CYP2C19: variants seen among roughly 807,000 people sequenced by gnomAD.
CYP2C19 encodes the protein cytochrome P450 family 2 subfamily C member 19.
CYP2C19 carries 59 observed loss-of-function variants against 40.9 expected under a neutral mutation model. The ratio of observed to expected loss-of-function variants is 1.44; its 90% CI spans 1.17 to 1.79. CYP2C19 has a LOEUF of 1.79. Ranked by LOEUF, CYP2C19 falls within the 40% of genes most tolerant of loss-of-function variation. The probability of loss-of-function intolerance (pLI) is 0.00; values close to 1 mark genes in which losing one functional copy is unlikely to be tolerated. For missense variants in CYP2C19, 754 were observed against 596.9 expected, an observed-to-expected ratio of 1.26 and a Z score of -2.74; for synonymous variants, 253 against 208.7, an observed-to-expected ratio of 1.21 and a Z score of -1.83.
At chr10:94,802,254 C>T (rs977979552) in intron 5 of CYP2C19, among the ~76,000 whole-genome samples, 78 of 152,230 alleles carry the variant, frequency 5.1e-4, no homozygotes, top group African/African-American at 1.9e-3. Context: ...TTTTACAATC[C>T]TTTTGTAAAA....
chr10:94,846,499 T>C (rs1305750815), intron 7 of CYP2C19, among the ~76,000 whole-genome samples: 1 of 152,090 alleles, frequency 6.6e-6, no homozygotes. Flanking sequence ...ATGATGAAAA[T>C]CTATGGCATG....
Position 94,775,539 on chromosome 10 carries a change from G to C in CYP2C19, c.481G>C (p.Ala161Pro), listed in dbSNP as rs181297724. The C allele has an allele frequency of 2.5e-3, 4,071 of 1,613,848 alleles. 143 individuals carry two copies. Among genetic ancestry groups the C allele is most frequent in the East Asian group, 6.3e-3 (282 of 44,886 alleles). The change falls in exon 3 of 9, where the codon GCT (alanine) becomes CCT (proline). Residue 161 changes from alanine to proline, a missense_variant and splice_region_variant. Coordinates refer to ENST00000371321, the MANE Select transcript of CYP2C19 (RefSeq NM_000769.4). Reference sequence around the variant, plus strand: ...TGTGGAGGAGTTGAGAAAAACCAAGGGTGGGTGAACATACTCTCTATCACT... The same window carrying C: ...TGTGGAGGAGTTGAGAAAAACCAAGCGTGGGTGAACATACTCTCTATCACT... ...CLVEELRKTKASPCDPTFILG... is the reference protein window; with the variant it reads ...CLVEELRKTKPSPCDPTFILG...
intron 1 of CYP2C19, among the ~76,000 whole-genome samples, chr10:94,770,287 C>A (rs1848309718): frequency 6.6e-6 from 1 of 152,182 alleles, no homozygotes; most frequent in Admixed American, 6.5e-5. Flanking sequence ...CAGTGATTGC[C>A]TTGGCATAGC....
At chr10:94,841,625 T>C (rs1849496612) in intron 6 of CYP2C19, among the ~76,000 whole-genome samples, 2 of 152,228 alleles carry the variant, frequency 1.3e-5, no homozygotes, top group Non-Finnish European at 2.9e-5. Flanking sequence ...ATGTAAGCTC[T>C]TAGAGCTATA....
At chr10:94,840,705 C>T (rs1384163758) in intron 6 of CYP2C19, among the ~76,000 whole-genome samples, 1 of 151,974 alleles carries the variant, frequency 6.6e-6, no homozygotes, top group African/African-American at 2.4e-5. Flanking sequence ...CAACCGGCTA[C>T]TGCCAGGAGT....
rs192070499 is a variant in CYP2C19 at position 94,795,567 on chromosome 10, A to C, written c.819+13570A>C. On this transcript the variant is annotated intron_variant, in intron 5 of 8. Transcript: ENST00000371321. ...TGGTATTTCCAGTTCTATATCCCTG[A>C]GGAATTGCCACAGTGACTTCCACAA... Among the ~76,000 whole-genome samples, 708 of 152,244 alleles carry C rather than the reference A, an allele frequency of 4.7e-3. 2 individuals carry two copies. The highest frequency in any genetic ancestry group is 0.016 in the African/African-American group (685 of 41,548).
chr10:94,814,132 C>T (rs1848966742), intron 5 of CYP2C19, among the ~76,000 whole-genome samples: 1 of 151,176 alleles, frequency 6.6e-6, no homozygotes, highest in Admixed American at 6.7e-5. Flanking sequence ...TAAACATTCC[C>T]AGTGAGATGA....
chr10:94,834,741 T>A (rs1010958785), intron 6 of CYP2C19, among the ~76,000 whole-genome samples: 1 of 152,210 alleles, frequency 6.6e-6, no homozygotes, highest in African/African-American at 2.4e-5. Flanking sequence ...CTGTTTTGCC[T>A]AATTAGCATT....
intron 1 of CYP2C19, among the ~76,000 whole-genome samples, chr10:94,768,178 A>G (rs531036007): frequency 6.6e-6 from 1 of 152,270 alleles, no homozygotes; most frequent in East Asian, 1.9e-4. Context: ...CTATTTGTAT[A>G]CACATTTATT....
intron 1 of CYP2C19, among the ~76,000 whole-genome samples, chr10:94,772,464 A>T (rs1564660066): frequency 6.6e-6 from 1 of 152,140 alleles, no homozygotes; most frequent in Non-Finnish European, 1.5e-5. Flanking sequence ...GAGAGGCAAG[A>T]GGAAGTTTGT....
At chr10:94,783,673 T>C (rs1848506332) in intron 5 of CYP2C19, among the ~76,000 whole-genome samples, 2 of 152,134 alleles carry the variant, frequency 1.3e-5, no homozygotes, top group East Asian at 1.9e-4. Flanking sequence ...ATGCCTATAG[T>C]ACACCATCTT....
chr10:94,771,272 G>A (rs1848326698), intron 1 of CYP2C19, among the ~76,000 whole-genome samples: 1 of 152,076 alleles, frequency 6.6e-6, no homozygotes, highest in Admixed American at 6.5e-5. Context: ...TTCTGGGAAG[G>A]GGAGATTAGA....
chr10:94,810,959 T>C (rs1176446516), intron 5 of CYP2C19, among the ~76,000 whole-genome samples: 1 of 152,236 alleles, frequency 6.6e-6, no homozygotes, highest in Non-Finnish European at 1.5e-5. Context: ...TTTCTAGTTC[T>C]TTTAAATGTG....
rs762568352 is a variant in CYP2C19 at position 94,853,163 on chromosome 10, A to G, written c.*249A>G. 29 of 485,238 alleles carry G rather than the reference A, an allele frequency of 6.0e-5. No individual in the cohort carries two copies. The highest frequency in any genetic ancestry group is 9.0e-5 in the Non-Finnish European group (25 of 276,860). 30.1% of individuals were successfully genotyped at this position (485,238 alleles called of 1,614,324 possible). On this transcript the variant is annotated 3_prime_UTR_variant, in exon 9 of 9. Transcript: ENST00000371321. Reference sequence around the variant, plus strand: ...ATACTTGTCTAATGTTGAGTTATTAACATATTATTATTAAATAGAGAAAGA... The same window carrying G: ...ATACTTGTCTAATGTTGAGTTATTAGCATATTATTATTAAATAGAGAAAGA...
At position 94,820,597 on chromosome 10, in the gene CYP2C19, A is replaced by T. The variant is rs1849101712; in HGVS notation, c.921A>T (p.Arg307Ser). The change falls in exon 6 of 9, where the codon AGA becomes AGT. Residue 307 changes from arginine (R) to serine (S), a missense_variant. Arg to Ser is a moderately radical substitution (Grantham distance 110, BLOSUM62 -1). Transcript: ENST00000371321. ...AGTETTSTTL[R>S]YALLLLLKHP... ...CAGAGACAACAAGCACAACCCTGAG[A>T]TATGCTCTCCTTCTCCTGCTGAAGC... 6.2e-7 allele frequency: 1 copy of T among 1,614,204 alleles called. No homozygotes were observed. The highest frequency in any genetic ancestry group is 1.3e-5 in the African/African-American group (1 of 75,058).
intron 6 of CYP2C19, among the ~76,000 whole-genome samples, chr10:94,840,228 C>CT (rs113238504): frequency 0.015 from 2,198 of 142,790 alleles, 42 homozygotes; most frequent in East Asian, 0.07. Context: ...ATGGGGCACA[C>CT]TTTTTTTTTT....
At chr10:94,808,581 A>C (rs1848868772) in intron 5 of CYP2C19, among the ~76,000 whole-genome samples, 1 of 151,780 alleles carries the variant, frequency 6.6e-6, no homozygotes, top group Non-Finnish European at 1.5e-5. Context: ...CCCTTCACCC[A>C]CTCACTGTCC....
At chr10:94,811,399 G>T (rs150507025) in intron 5 of CYP2C19, among the ~76,000 whole-genome samples, 2 of 151,990 alleles carry the variant, frequency 1.3e-5, no homozygotes, top group Admixed American at 6.6e-5. Flanking sequence ...TATTATGCCC[G>T]CTTGGTCCAG....
At chr10:94,832,614 G>T (rs1009480329) in intron 6 of CYP2C19, among the ~76,000 whole-genome samples, 8 of 152,096 alleles carry the variant, frequency 5.3e-5, no homozygotes, top group African/African-American at 1.9e-4. Flanking sequence ...CTGTTCCATT[G>T]GTCTATGTGT....
Sources: allele counts gnomAD v4.1 joint callset (sites outside exome capture counted in the v4.1 genomes callset), GRCh38; gene constraint gnomAD v4.1.1; transcripts MANE v1.5; gene names NCBI Gene and HGNC (gene_info 2026-07-23, HGNC 2026-07-21).